Variants in MINDY4 observed in about 807,000 individuals in gnomAD.
MINDY4 encodes MINDY lysine 48 deubiquitinase 4, also known as probable ubiquitin carboxyl-terminal hydrolase MINDY-4.
A neutral mutation model predicts 87.0 loss-of-function variants in MINDY4; 68 were observed. The ratio of observed to expected loss-of-function variants is 0.78; its 90% CI spans 0.64 to 0.96. MINDY4 has a LOEUF of 0.96. MINDY4 is among the 40% of genes least tolerant of loss of function. The pLI is 0.00. For synonymous variants in MINDY4, 379 were observed against 363.2 expected (o/e 1.04, Z -0.50); for missense variants, 919 against 928.2 (o/e 0.99, Z 0.13).
At chr7:30,784,072 G>C (rs1043694120) in intron 3 of MINDY4, among the ~76,000 whole-genome samples, 7 of 152,114 alleles carry the variant, frequency 4.6e-5, no homozygotes, top group African/African-American at 1.7e-4. Context: ...TGAAGCTCAG[G>C]GTATGGGTGT....
At chr7:30,805,792 G>A (rs1787788733) in intron 5 of MINDY4, among the ~76,000 whole-genome samples, 1 of 152,026 alleles carries the variant, frequency 6.6e-6, no homozygotes, top group African/African-American at 2.4e-5. Context: ...GAGATGAAGG[G>A]TACACAGGGA....
chr7:30,845,181 C>G (rs747858581), intron 9 of MINDY4, among the ~76,000 whole-genome samples: 1 of 152,104 alleles, frequency 6.6e-6, no homozygotes, highest in Non-Finnish European at 1.5e-5. Context: ...CACACAGACT[C>G]CTAGGGACCA....
chr7:30,862,790 G>A (rs1478289192), intron 13 of MINDY4, among the ~76,000 whole-genome samples: 3 of 152,250 alleles, frequency 2.0e-5, no homozygotes, highest in East Asian at 1.9e-4. Context: ...ACCCACAGCC[G>A]TGTGGCTAAC....
At chr7:30,860,929 C>T (rs1443192406) in intron 13 of MINDY4, among the ~76,000 whole-genome samples, 4 of 152,176 alleles carry the variant, frequency 2.6e-5, no homozygotes, top group Admixed American at 1.3e-4. Flanking sequence ...AGTCACACCC[C>T]TGCCAACACA....
intron 2 of MINDY4, 73 bp from the exon 3 acceptor site, chr7:30,781,904 G>T: frequency 2.9e-6 from 3 of 1,032,498 alleles, no homozygotes; most frequent in South Asian, 1.6e-5. Context: ...CAAAGAAGTG[G>T]AATAGTTGTC....
chr7:30,771,944 G>T (rs1786652246), intron 1 of MINDY4, among the ~76,000 whole-genome samples: 1 of 152,238 alleles, frequency 6.6e-6, no homozygotes, highest in African/African-American at 2.4e-5. Flanking sequence ...GCAAGTCAGG[G>T]TCCCACTCGG....
chr7:30,865,156 C>T (rs746571733), intron 13 of MINDY4, among the ~76,000 whole-genome samples: 9 of 152,182 alleles, frequency 5.9e-5, no homozygotes, highest in Non-Finnish European at 1.0e-4. Context: ...GTCTCTGCAC[C>T]GACACCTGGC....
chr7:30,822,797 G>C (rs1788381590), intron 5 of MINDY4, among the ~76,000 whole-genome samples: 1 of 151,562 alleles, frequency 6.6e-6, no homozygotes, highest in Non-Finnish European at 1.5e-5. Context: ...CACTACACTT[G>C]GCTAATTTTT....
chr7:30,813,564 G>A (rs955080877), intron 5 of MINDY4, among the ~76,000 whole-genome samples: 1 of 152,338 alleles, frequency 6.6e-6, no homozygotes, highest in African/African-American at 2.4e-5. Context: ...ACCCCAGAGT[G>A]GGGGCAGGGA....
At chr7:30,868,779 T>C (rs187290094) in intron 13 of MINDY4, among the ~76,000 whole-genome samples, 2 of 152,312 alleles carry the variant, frequency 1.3e-5, no homozygotes, top group African/African-American at 4.8e-5. Flanking sequence ...AAGCTCTCTA[T>C]TCCTCCTTCT....
intron 17 of MINDY4, 23 bp downstream of exon 17, chr7:30,883,016 T>G: frequency 6.2e-7 from 1 of 1,611,386 alleles, no homozygotes; most frequent in Non-Finnish European, 8.5e-7. Flanking sequence ...CCTCTCTGGC[T>G]TTGAGCCTCA....
In MINDY4 at chr7:30,828,528, GA is replaced by G; in HGVS notation, c.1074-150del. 4 of 717,406 alleles carry G rather than the reference GA, an allele frequency of 5.6e-6. No homozygotes were observed. In the Admixed American group the frequency reaches 8.7e-5, roughly 16 times the overall value. 44.4% of individuals were successfully genotyped at this position (717,406 alleles called of 1,614,324 possible). Reference sequence around the variant, plus strand: ...CATCCCATGTGGAACCTGTGGCTGAGAGAGGGGGAGTATTCAAGGCACACAG... The same window carrying G: ...CATCCCATGTGGAACCTGTGGCTGAGGAGGGGGAGTATTCAAGGCACACAG... On this transcript the variant is annotated intron_variant, in intron 5 of 17. Transcript: ENST00000265299.
At chr7:30,813,385 C>T (rs986754888) in intron 5 of MINDY4, among the ~76,000 whole-genome samples, 4 of 152,156 alleles carry the variant, frequency 2.6e-5, no homozygotes, top group African/African-American at 9.7e-5. Context: ...GCCTTGTGCT[C>T]CCGTGCTGTG....
At chr7:30,891,633 A>T (rs1328375230) in intron 17 of MINDY4, among the ~76,000 whole-genome samples, 1 of 152,078 alleles carries the variant, frequency 6.6e-6, no homozygotes, top group Non-Finnish European at 1.5e-5. Flanking sequence ...GCTGGTCCAG[A>T]TGTGTGTGGA....
At chr7:30,836,313 C>G (rs970346369) in intron 6 of MINDY4, among the ~76,000 whole-genome samples, 1 of 152,226 alleles carries the variant, frequency 6.6e-6, no homozygotes, top group African/African-American at 2.4e-5. Context: ...GCTAGGCTTT[C>G]CTGGTCCTGG....
chr7:30,791,325 T>C lies in MINDY4; in HGVS notation c.824T>C (p.Leu275Pro), dbSNP rs1787316676. 3 of 1,614,058 alleles carry C rather than the reference T, an allele frequency of 1.9e-6. No individual in the cohort carries two copies. The highest frequency in any genetic ancestry group is 2.5e-6 in the Non-Finnish European group (3 of 1,180,042). Reference protein sequence around the residue: ...SSPSRTSLGQLSELTVERQKT... With the variant: ...SSPSRTSLGQPSELTVERQKT... ...CCCTCCAGGACCTCCCTGGGTCAGC[T>C]TAGTGAACTGACCGTAGAAAGGCAG... Residue 275 changes from leucine (L) to proline (P), a missense_variant, in exon 5 of 18, where the codon CTT becomes CCT. Transcript: ENST00000265299.
rs139012586 is a variant in MINDY4, at chr7:30,880,249, C to G, written c.1972-1932C>G. On this transcript the variant is annotated intron_variant, in intron 15 of 17. Coordinates refer to ENST00000265299, the MANE Select transcript of MINDY4 (RefSeq NM_032222.3). The stretch of plus-strand genomic sequence containing the variant: ...AATCCCTAATTGTGCTACATGTTCC[C>G]CCACCAGGACAAAGTCCCAGACTGT... Among the ~76,000 whole-genome samples, 1,231 of 151,890 alleles carry G rather than the reference C, an allele frequency of 8.1e-3. 31 individuals are homozygous for G. Among genetic ancestry groups the G allele is most frequent in the African/African-American group, 0.028 (1,172 of 41,256 alleles).
intron 10 of MINDY4, among the ~76,000 whole-genome samples, chr7:30,851,914 G>GGGTGAGA (rs763243892): frequency 3.1e-4 from 47 of 152,358 alleles, no homozygotes; most frequent in Admixed American, 4.6e-4. Flanking sequence ...TGTCAGTTGT[G>GGGTGAGA]GGTGAGAGTC....
chr7:30,888,523 C>A (rs979691384), intron 17 of MINDY4, among the ~76,000 whole-genome samples: 12 of 152,328 alleles, frequency 7.9e-5, no homozygotes, highest in African/African-American at 2.9e-4. Context: ...CTCTTCTGCT[C>A]CTCAGAGGTG....
Sources: gnomAD v4.1 joint callset for allele counts (sites outside exome capture counted in the v4.1 genomes callset) on GRCh38, gnomAD v4.1.1 for gene constraint, MANE v1.5 for transcripts, NCBI Gene and HGNC (gene_info 2026-07-23, HGNC 2026-07-21) for gene names.